Variants in HRH1 observed in about 807,000 individuals in gnomAD.
HRH1 encodes the protein histamine receptor H1.
In HRH1, 6 loss-of-function variants were observed where a neutral mutation model predicts 10.3. The observed-to-expected ratio is 0.58, with a 90% CI of 0.32 to 1.15. The LOEUF is 1.15. HRH1 is among the 50% of genes most tolerant of loss of function. The pLI is 0.05. For synonymous variants in HRH1, 242 were observed against 236.7 expected (o/e 1.02, Z -0.21); for missense variants, 514 against 615.3 (o/e 0.84, Z 1.74).
chr3:11,158,096 T>A (rs368964998), intron 1 of HRH1, among the ~76,000 whole-genome samples: 1 of 152,254 alleles, frequency 6.6e-6, no homozygotes, highest in Non-Finnish European at 1.5e-5. Flanking sequence ...CTCAGCTTTC[T>A]TATCTGTAAA....
intron 1 of HRH1, among the ~76,000 whole-genome samples, chr3:11,212,452 G>A (rs1390181959): frequency 1.3e-5 from 2 of 152,074 alleles, no homozygotes; most frequent in African/African-American, 4.8e-5. Context: ...GACCCATCTG[G>A]GGCAGGCCTG....
intron 1 of HRH1, among the ~76,000 whole-genome samples, chr3:11,215,163 T>C (rs1488513095): frequency 6.6e-6 from 1 of 152,372 alleles, no homozygotes; most frequent in East Asian, 1.9e-4. Context: ...CCCAGGCTTT[T>C]ACCCTTGTCT....
At position 11,262,870 on chromosome 3, in the gene HRH1, A is replaced by G. The variant is rs552730801; in HGVS notation, c.*2369A>G. On this transcript the variant is annotated 3_prime_UTR_variant, in exon 2 of 2. Coordinates refer to ENST00000431010, the MANE Select transcript of HRH1 (RefSeq NM_001098212.2). ...CTAGTGCTTGTATAGTGTCTGGTATACAGAGGGCACTCCTATGCATTTTTA... is the reference window on the plus strand; with the variant it reads ...CTAGTGCTTGTATAGTGTCTGGTATGCAGAGGGCACTCCTATGCATTTTTA... 1 of 167,246 alleles carries G rather than the reference A, an allele frequency of 6.0e-6. No individual in the cohort carries two copies. Among genetic ancestry groups the G allele is most frequent in the South Asian group, 2.1e-4 (1 of 4,828 alleles). The allele number at this position is 167,246 out of a possible 1,614,324, so 10.4% of individuals were successfully genotyped here. A position where few individuals can be genotyped will look rare whatever the true frequency, so the allele number is the denominator to read the frequency against.
intron 1 of HRH1, among the ~76,000 whole-genome samples, chr3:11,245,392 C>T (rs1469738946): frequency 5.3e-5 from 8 of 152,062 alleles, no homozygotes; most frequent in South Asian, 2.1e-4. Context: ...GATAGACCTA[C>T]GTTCAAATCT....
Position 11,259,258 on chromosome 3 carries a change from T to C in HRH1, c.221T>C (p.Leu74Ser). ...LYIVSLSVAD[L>S]IVGAVVMPMN... The stretch of plus-strand genomic sequence containing the variant: ...ATCGTCAGCCTCTCGGTGGCGGACT[T>C]GATCGTGGGTGCCGTCGTCATGCCT... Residue 74 changes from leucine (L) to serine (S), a missense_variant, in exon 2 of 2, where the codon TTG (leucine) becomes TCG (serine). Transcript: ENST00000431010. The surrounding 1 kb of genome is among the most constrained non-coding windows in gnomAD (Gnocchi z 4.6). The C allele has an allele frequency of 6.2e-7, 1 of 1,612,066 alleles. No individual in the cohort carries two copies. Among genetic ancestry groups the C allele is most frequent in the Admixed American group, 1.7e-5 (1 of 59,782 alleles).
At chr3:11,194,086 T>C (rs973433956) in intron 1 of HRH1, among the ~76,000 whole-genome samples, 4 of 152,168 alleles carry the variant, frequency 2.6e-5, no homozygotes, top group African/African-American at 9.7e-5. Context: ...CAAATGTATG[T>C]GTAGTATAAG....
upstream of HRH1, among the ~76,000 whole-genome samples, chr3:11,152,835 T>C (rs994454380): frequency 2.6e-5 from 4 of 151,920 alleles, no homozygotes; most frequent in African/African-American, 7.3e-5. Context: ...GGGTGAGTCT[T>C]GGCTGTGGGG....
upstream of HRH1, among the ~76,000 whole-genome samples, chr3:11,154,241 A>G (rs942413057): frequency 6.6e-6 from 1 of 151,994 alleles, no homozygotes; most frequent in Non-Finnish European, 1.5e-5. The surrounding 1 kb of genome is among the most constrained non-coding windows in gnomAD (Gnocchi z 4.4). Flanking sequence ...GAGCCCGGGT[A>G]CCCAGCGGGA....
chr3:11,260,597 C>T lies in HRH1; in HGVS notation c.*96C>T. ...GTGTGTTGCCAGGCAGGCACCTGGGCTTTCTGGAATCCAAACCACAGTCTT... is the reference window on the plus strand; with the variant it reads ...GTGTGTTGCCAGGCAGGCACCTGGGTTTTCTGGAATCCAAACCACAGTCTT... On this transcript the variant is annotated 3_prime_UTR_variant, in exon 2 of 2. Coordinates refer to ENST00000431010, the MANE Select transcript of HRH1 (RefSeq NM_001098212.2). 1 of 1,209,330 alleles carries T rather than the reference C, an allele frequency of 8.3e-7. No homozygotes were observed. Among genetic ancestry groups the T allele is most frequent in the African/African-American group, 1.5e-5 (1 of 65,796 alleles). The allele number at this position is 1,209,330 out of a possible 1,614,324, so 74.9% of individuals were successfully genotyped here.
chr3:11,237,736 C>T lies in HRH1; in HGVS notation c.-35-21267C>T, dbSNP rs547994550. 1.2e-4 allele frequency among the ~76,000 whole-genome samples: 15 copies of T among 123,854 alleles called. 1 individual carries two copies. In the South Asian group the frequency reaches 4.0e-3, roughly 33 times the overall value. 81.3% of individuals were successfully genotyped at this position (123,854 alleles called of 152,430 possible). On this transcript the variant is annotated intron_variant, in intron 1 of 1. Coordinates refer to ENST00000431010, the MANE Select transcript of HRH1 (RefSeq NM_001098212.2). ...TGTCAACCAGGCTGGAGTGCAGTGGCGTGATCTCAGCTCACTGCAACCTCT... is the reference window on the plus strand; with the variant it reads ...TGTCAACCAGGCTGGAGTGCAGTGGTGTGATCTCAGCTCACTGCAACCTCT...
intron 1 of HRH1, among the ~76,000 whole-genome samples, chr3:11,173,595 A>C (rs1937196129): frequency 6.6e-6 from 1 of 151,616 alleles, no homozygotes; most frequent in African/African-American, 2.4e-5. Flanking sequence ...ATTTATTATT[A>C]GATTATCCTT....
chr3:11,224,859 C>G (rs1047487973), intron 1 of HRH1, among the ~76,000 whole-genome samples: 3 of 152,120 alleles, frequency 2.0e-5, no homozygotes, highest in African/African-American at 7.2e-5. Flanking sequence ...CCAAAGGTTG[C>G]TGTGGGGATT....
rs2152590628 is a variant in HRH1, at chr3:11,259,823, G to T, written c.786G>T (p.Arg262Ser). 3 of 1,613,924 alleles carry T rather than the reference G, an allele frequency of 1.9e-6. No homozygotes were observed. Among genetic ancestry groups the T allele is most frequent in the African/African-American group, 2.7e-5 (2 of 75,004 alleles). ...GKESPWEVLK[R>S]KPKDAGGGSV... ...AGTCTCCCTGGGAGGTTCTGAAAAG[G>T]AAGCCAAAAGATGCTGGTGGTGGAT... Residue 262 changes from arginine (R) to serine (S), a missense_variant, in exon 2 of 2, where the codon AGG (arginine) becomes AGT (serine). Arg to Ser is a moderately radical substitution (Grantham distance 110, BLOSUM62 -1). Transcript: ENST00000431010. The surrounding 1 kb of genome is among the most constrained non-coding windows in gnomAD (Gnocchi z 4.6).
rs1393409067 is a variant in HRH1 at position 11,215,333 on chromosome 3, T to C, written c.-35-43670T>C. Among the ~76,000 whole-genome samples, 4 of 152,258 alleles carry C rather than the reference T, an allele frequency of 2.6e-5. No homozygotes were observed. The East Asian group carries it at 7.7e-4, about 29-fold the overall frequency. On this transcript the variant is annotated intron_variant, in intron 1 of 1. Coordinates refer to ENST00000431010, the MANE Select transcript of HRH1 (RefSeq NM_001098212.2). ...TAGAATAAACAAGTTTGGAAACAAC[T>C]AACTTGGGACTAAGGTGACTCTTAC...
chr3:11,236,225 G>A (rs910032151), intron 1 of HRH1, among the ~76,000 whole-genome samples: 1 of 152,206 alleles, frequency 6.6e-6, no homozygotes, highest in Non-Finnish European at 1.5e-5. Context: ...CAAGTGGATC[G>A]TTTGAGACCA....
chr3:11,251,549 C>G (rs1238614529), intron 1 of HRH1, among the ~76,000 whole-genome samples: 3 of 152,112 alleles, frequency 2.0e-5, no homozygotes, highest in Non-Finnish European at 4.4e-5. Context: ...CCTTTTATTA[C>G]TTGAGAAGAA....
intron 1 of HRH1, among the ~76,000 whole-genome samples, chr3:11,163,198 G>T (rs1232775664): frequency 6.6e-6 from 1 of 152,038 alleles, no homozygotes; most frequent in Non-Finnish European, 1.5e-5. Flanking sequence ...CAGCCTCAAC[G>T]TAGGCCTCCT....
intron 1 of HRH1, among the ~76,000 whole-genome samples, chr3:11,163,453 G>A (rs1194849665): frequency 6.6e-6 from 1 of 152,194 alleles, no homozygotes; most frequent in Non-Finnish European, 1.5e-5. Flanking sequence ...GCAGGGAACA[G>A]TGGTCAAAAC....
chr3:11,192,794 C>T (rs1173368691), intron 1 of HRH1, among the ~76,000 whole-genome samples: 10 of 152,162 alleles, frequency 6.6e-5, no homozygotes, highest in African/African-American at 2.2e-4. Flanking sequence ...ATAAGATGGG[C>T]ACTCAACAGG....
Sources: gnomAD v4.1 joint callset for allele counts (sites outside exome capture counted in the v4.1 genomes callset) on GRCh38, gnomAD v4.1.1 for gene constraint, Gnocchi (gnomAD v3.1) non-coding constraint, MANE v1.5 for transcripts, NCBI Gene and HGNC (gene_info 2026-07-23, HGNC 2026-07-21) for gene names.